Variants in CLNK observed in about 807,000 individuals in gnomAD.
CLNK encodes the protein cytokine-dependent hematopoietic cell linker.
CLNK carries 74 observed loss-of-function variants against 68.6 expected under a neutral mutation model. The ratio of observed to expected loss-of-function variants is 1.08; its 90% CI spans 0.89 to 1.31. The LOEUF (loss-of-function observed/expected upper bound fraction) is 1.31. Among genes scored for constraint, CLNK ranks in the 50% most tolerant of loss-of-function variants. The pLI, the probability that CLNK is intolerant of heterozygous loss-of-function variation, is 0.00. For missense variants in CLNK, 553 were observed against 515.3 expected (o/e 1.07, Z -0.71); for synonymous variants, 198 against 172.2 (o/e 1.15, Z -1.17).
chr4:10,604,958 A>G (rs1172279270), intron 2 of CLNK, among the ~76,000 whole-genome samples: 1 of 152,232 alleles, frequency 6.6e-6, no homozygotes, highest in Non-Finnish European at 1.5e-5. Context: ...ACTAAAGCAG[A>G]TGATGCTTCA....
rs189454174 is a variant in CLNK at position 10,573,671 on chromosome 4, G to T, written c.113-1893C>A. Among the ~76,000 whole-genome samples, 24 of 152,272 alleles carry T rather than the reference G, an allele frequency of 1.6e-4. No homozygotes were observed. In the East Asian group the frequency reaches 4.2e-3, roughly 27 times the overall value. ...AAACAACTCCACTGTTTAATTCAGG[G>T]TTCAATATAATTTCATTTTAGAAAA... On this transcript the variant is annotated intron_variant, in intron 4 of 18. Coordinates refer to ENST00000226951, the MANE Select transcript of CLNK (RefSeq NM_052964.4).
At position 10,540,535 on chromosome 4, in the gene CLNK, T is replaced by C. The variant is rs1369389618; in HGVS notation, c.561A>G (p.Leu187=). ...CTTCTGGAAAGGTGTGTCTCTGAGA[T>C]AAAGGTGGCCTGCTGCTCTCCGGCT... ...PPEPESSRPP[L]SQRHTFPEVQ... is the part of the protein sequence containing the mutation. Residue 187 remains leucine, a synonymous_variant, in exon 11 of 19, where the codon TTA becomes TTG. Transcript: ENST00000226951. 1 of 1,613,874 alleles carries C rather than the reference T, an allele frequency of 6.2e-7. No individual in the cohort carries two copies. The highest frequency in any genetic ancestry group is 1.7e-5 in the Admixed American group (1 of 60,002).
At chr4:10,724,855 C>A in the CLNK span, among the ~76,000 whole-genome samples, 1 of 152,176 alleles carries the variant, frequency 6.6e-6, no homozygotes, top group East Asian at 1.9e-4. Context: ...AGTGATCCAG[C>A]AGACCTCAGA....
intron 2 of CLNK, among the ~76,000 whole-genome samples, chr4:10,663,556 T>C (rs918050049): frequency 6.6e-6 from 1 of 152,222 alleles, no homozygotes; most frequent in African/African-American, 2.4e-5. Context: ...GATACAATCA[T>C]ATAAAAACAT....
the CLNK span, among the ~76,000 whole-genome samples, chr4:10,710,259 G>A: frequency 6.6e-6 from 1 of 152,128 alleles, no homozygotes; most frequent in Non-Finnish European, 1.5e-5. Context: ...AGAGGAGTGA[G>A]GCATTAAGAG....
chr4:10,634,044 T>C (rs1722989386), intron 2 of CLNK, among the ~76,000 whole-genome samples: 1 of 152,176 alleles, frequency 6.6e-6, no homozygotes, highest in Admixed American at 6.5e-5. Context: ...CAGGTAGAGC[T>C]GGGTGCAGAC....
chr4:10,565,665 G>T (rs987143286), intron 6 of CLNK, among the ~76,000 whole-genome samples: 1 of 151,630 alleles, frequency 6.6e-6, no homozygotes, highest in Non-Finnish European at 1.5e-5. Flanking sequence ...TCCACCCTCC[G>T]TTATGCTCAT....
At chr4:10,684,326 C>T (rs1725190844) in intron 1 of CLNK, among the ~76,000 whole-genome samples, 1 of 152,162 alleles carries the variant, frequency 6.6e-6, no homozygotes, top group African/African-American at 2.4e-5. Flanking sequence ...AGAGGGCTTA[C>T]TTAATGAAGG....
rs560131505 is a variant in CLNK at position 10,501,243 on chromosome 4, A to C, written c.1140+13T>G. The C allele has an allele frequency of 6.5e-7, 1 of 1,546,202 alleles. No homozygotes were observed. Among genetic ancestry groups the C allele is most frequent in the African/African-American group, 1.4e-5 (1 of 70,714 alleles). Reference sequence around the variant, plus strand: ...CTTAGCCTGGAACAGGGAGGCTGTTAAGTTATACCCACCTCATCTCCTCTG... The same window carrying C: ...CTTAGCCTGGAACAGGGAGGCTGTTCAGTTATACCCACCTCATCTCCTCTG... On this transcript the variant is annotated intron_variant, in intron 18 of 18. Transcript: ENST00000226951.
chr4:10,715,226 C>A, the CLNK span, among the ~76,000 whole-genome samples: 1 of 152,148 alleles, frequency 6.6e-6, no homozygotes, highest in African/African-American at 2.4e-5. Context: ...ACCATAAGCC[C>A]CTCTCTAGAC....
At chr4:10,597,406 G>T (rs1015837777) in intron 3 of CLNK, among the ~76,000 whole-genome samples, 12 of 152,190 alleles carry the variant, frequency 7.9e-5, no homozygotes, top group African/African-American at 2.9e-4. Context: ...ATTCGATCAA[G>T]TTAGCACAGG....
At chr4:10,660,340 C>T (rs773533189) in intron 2 of CLNK, among the ~76,000 whole-genome samples, 2 of 152,116 alleles carry the variant, frequency 1.3e-5, no homozygotes, top group African/African-American at 2.4e-5. Flanking sequence ...ACTGTAATAA[C>T]ATTGGGAGAC....
chr4:10,512,987 A>C (rs1267238028), intron 16 of CLNK, among the ~76,000 whole-genome samples: 2 of 152,200 alleles, frequency 1.3e-5, no homozygotes, highest in Non-Finnish European at 2.9e-5. Flanking sequence ...CACTCTTTAC[A>C]TCTCCATTAG....
At chr4:10,714,152 C>T in the CLNK span, among the ~76,000 whole-genome samples, 1 of 152,164 alleles carries the variant, frequency 6.6e-6, no homozygotes, top group South Asian at 2.1e-4. Context: ...GCTGTGGCTT[C>T]CACAAACTAT....
At chr4:10,612,563 C>A (rs186099355) in intron 2 of CLNK, among the ~76,000 whole-genome samples, 1 of 152,364 alleles carries the variant, frequency 6.6e-6, no homozygotes, top group African/African-American at 2.4e-5. Flanking sequence ...TCAGGCCTAT[C>A]TGACCCAAAG....
intron 2 of CLNK, among the ~76,000 whole-genome samples, chr4:10,601,706 C>T (rs1721596970): frequency 6.6e-6 from 1 of 152,214 alleles, no homozygotes; most frequent in South Asian, 2.1e-4. Context: ...ATTTACTAGT[C>T]TCCTAAGTAG....
At chr4:10,522,769 A>C (rs908757874) in intron 14 of CLNK, among the ~76,000 whole-genome samples, 1 of 152,210 alleles carries the variant, frequency 6.6e-6, no homozygotes, top group Non-Finnish European at 1.5e-5. Flanking sequence ...AATAAATGTT[A>C]TGGTAAAGGT....
At chr4:10,597,288 A>T (rs1292644207) in intron 3 of CLNK, among the ~76,000 whole-genome samples, 1 of 152,180 alleles carries the variant, frequency 6.6e-6, no homozygotes, top group Non-Finnish European at 1.5e-5. Context: ...CCACCTGAGC[A>T]TGGGAGAGAC....
chr4:10,681,427 G>A (rs6827317), intron 1 of CLNK, among the ~76,000 whole-genome samples: 1,973 of 152,174 alleles, frequency 0.013, 20 homozygotes, highest in Non-Finnish European at 0.017. Context: ...TATCTTACAC[G>A]AAATTGAACA....
Sources: gnomAD v4.1 joint callset for allele counts (sites outside exome capture counted in the v4.1 genomes callset) on GRCh38, gnomAD v4.1.1 for gene constraint, MANE v1.5 for transcripts, NCBI Gene and HGNC (gene_info 2026-07-23, HGNC 2026-07-21) for gene names.